DNAAF11: variants seen among roughly 807,000 people sequenced by gnomAD.
The protein encoded by DNAAF11 is leucine rich repeat containing 6.
A neutral mutation model predicts 60.8 loss-of-function variants in DNAAF11; 45 were observed. That is an observed-to-expected ratio of 0.74 (90% CI 0.58 to 0.95). The LOEUF (loss-of-function observed/expected upper bound fraction) is 0.95, where lower values mean the gene tolerates loss of function less well. Ranked by LOEUF, DNAAF11 falls within the 40% of genes least tolerant of loss-of-function variation. The pLI is 0.00. For synonymous variants in DNAAF11, 191 were observed against 183.5 expected (o/e 1.04, Z -0.33); for missense variants, 546 against 546.2 (o/e 1.00, Z 0.00).
intron 1 of DNAAF11, among the ~76,000 whole-genome samples, chr8:132,661,921 G>A (rs937402341): frequency 6.6e-6 from 1 of 152,102 alleles, no homozygotes; most frequent in Non-Finnish European, 1.5e-5. Context: ...GAGAGTTAAT[G>A]GCTATAAAAA....
chr8:132,588,731 A>C (rs1816161450), intron 10 of DNAAF11, among the ~76,000 whole-genome samples: 1 of 152,202 alleles, frequency 6.6e-6, no homozygotes, highest in Non-Finnish European at 1.5e-5. Context: ...TGGGTAATTT[A>C]TAAATAAAAG....
At chr8:132,590,317 A>G (rs1437532205) in intron 10 of DNAAF11, among the ~76,000 whole-genome samples, 1 of 152,218 alleles carries the variant, frequency 6.6e-6, no homozygotes, top group Admixed American at 6.5e-5. Context: ...GCCCTGCCCA[A>G]GAGGGTTACT....
At chr8:132,633,251 T>C (rs1364145175) in intron 4 of DNAAF11, among the ~76,000 whole-genome samples, 5 of 152,264 alleles carry the variant, frequency 3.3e-5, no homozygotes. Flanking sequence ...TTGCTCACTA[T>C]GTCAAAAATG....
At chr8:132,629,358 T>C (rs79120324) in intron 5 of DNAAF11, among the ~76,000 whole-genome samples, 180 of 151,668 alleles carry the variant, frequency 1.2e-3, no homozygotes, top group Non-Finnish European at 1.5e-3. Flanking sequence ...TTTTTCTTTT[T>C]TTTTTTTAAG....
Position 132,572,318 on chromosome 8 carries a change from A to T in DNAAF11, c.1389T>A (p.Pro463=). ...DPTFEDNPEV[P]PLI ...GCAGCCAGATGTTTCAAATCAGCGG[A>T]GGCACTTCAGGGTTGTCTTCAAAGG... Residue 463 remains proline (P), a synonymous_variant, in exon 12 of 12, where the codon CCT becomes CCA. Coordinates refer to ENST00000620350, the MANE Select transcript of DNAAF11 (RefSeq NM_012472.6). The T allele has an allele frequency of 6.2e-7, 1 of 1,612,246 alleles. No homozygotes were observed. Among genetic ancestry groups the T allele is most frequent in the South Asian group, 1.1e-5 (1 of 90,682 alleles).
At chr8:132,690,795 G>T in the DNAAF11 span, among the ~76,000 whole-genome samples, 1 of 152,116 alleles carries the variant, frequency 6.6e-6, no homozygotes, top group Non-Finnish European at 1.5e-5. Context: ...TTTGTAGAAT[G>T]TCCTTCAGTT....
intron 5 of DNAAF11, among the ~76,000 whole-genome samples, chr8:132,626,064 T>G (rs556661178): frequency 9.2e-5 from 14 of 152,074 alleles, no homozygotes; most frequent in Non-Finnish European, 1.9e-4. Flanking sequence ...TTTCTTTTTT[T>G]TTTGAGACGG....
At chr8:132,674,136 A>AAG (rs1825495217) in intron 1 of DNAAF11, among the ~76,000 whole-genome samples, 1 of 36,120 alleles carries the variant, frequency 2.8e-5, no homozygotes, top group African/African-American at 1.3e-4. Flanking sequence ...GGAGGAGGAG[A>AAG]AGGAGGAGGA....
At chr8:132,664,970 T>TAC (rs1422647552) in intron 1 of DNAAF11, among the ~76,000 whole-genome samples, 9 of 151,774 alleles carry the variant, frequency 5.9e-5, no homozygotes, top group Admixed American at 3.3e-4. Context: ...ATAACTAAAT[T>TAC]ACACACACAC....
chr8:132,632,948 C>A lies in DNAAF11; in HGVS notation c.445G>T (p.Glu149Ter), dbSNP rs779571778. The A allele has an allele frequency of 6.2e-7, 1 of 1,611,580 alleles. No individual in the cohort carries two copies. The highest frequency in any genetic ancestry group is 8.5e-7 in the Non-Finnish European group (1 of 1,178,210). ...TTAATCCTTTCTGAAGGCTCTATTT[C>A]TTTACCATCCAACCACTTAAAGAAA... ...LPQLKWLDGK[E>*]IEPSERIKAL... The change falls in exon 5 of 12, where the codon GAA becomes TAA. Residue 149 changes from glutamate (E) to a stop codon, truncating the protein, a stop_gained. Transcript: ENST00000620350. LOFTEE classifies it high-confidence loss of function.
chr8:132,603,336 C>T (rs1347369700), intron 10 of DNAAF11, among the ~76,000 whole-genome samples: 2 of 152,078 alleles, frequency 1.3e-5, no homozygotes, highest in Non-Finnish European at 2.9e-5. Flanking sequence ...TTATTGCACA[C>T]ACCAACTTGC....
chr8:132,669,501 AATTAT>A (rs1343944860), intron 1 of DNAAF11, among the ~76,000 whole-genome samples: 9 of 152,342 alleles, frequency 5.9e-5, no homozygotes, highest in Non-Finnish European at 1.0e-4. Context: ...CTTAAAGGAC[AATTAT>A]ATTGTATTGT....
At chr8:132,659,748 C>T (rs903166807) in intron 2 of DNAAF11, among the ~76,000 whole-genome samples, 7 of 152,194 alleles carry the variant, frequency 4.6e-5, no homozygotes, top group Middle Eastern at 3.4e-3. Flanking sequence ...CAATTATCCA[C>T]GAAACTAGAA....
At chr8:132,617,523 T>C (rs1819295871) in intron 7 of DNAAF11, among the ~76,000 whole-genome samples, 1 of 152,216 alleles carries the variant, frequency 6.6e-6, no homozygotes, top group African/African-American at 2.4e-5. Flanking sequence ...AAGTTGCTTA[T>C]CAGCTTAAGG....
At chr8:132,616,197 T>C (rs186965961) in intron 7 of DNAAF11, among the ~76,000 whole-genome samples, 16 of 152,254 alleles carry the variant, frequency 1.1e-4, no homozygotes, top group East Asian at 7.7e-4. Flanking sequence ...CATGGCTATG[T>C]ACAATAAAGG....
chr8:132,702,446 TAA>T, the DNAAF11 span, among the ~76,000 whole-genome samples: 532 of 152,322 alleles, frequency 3.5e-3, 7 homozygotes, highest in East Asian at 0.038. Context: ...TCAGCTAGAT[TAA>T]CACGGCCGCA....
At chr8:132,659,617 T>G (rs982450703) in intron 2 of DNAAF11, among the ~76,000 whole-genome samples, 1 of 152,196 alleles carries the variant, frequency 6.6e-6, no homozygotes, top group African/African-American at 2.4e-5. Context: ...GTGCCAGAGT[T>G]TCTAATTTCT....
At chr8:132,590,751 C>T (rs1208286915) in intron 10 of DNAAF11, among the ~76,000 whole-genome samples, 1 of 152,202 alleles carries the variant, frequency 6.6e-6, no homozygotes, top group Non-Finnish European at 1.5e-5. Flanking sequence ...CTAGCTGATA[C>T]TGCAGCTTCT....
upstream of DNAAF11, among the ~76,000 whole-genome samples, chr8:132,678,526 T>G (rs1319580650): frequency 6.6e-6 from 1 of 152,130 alleles, no homozygotes; most frequent in Non-Finnish European, 1.5e-5. Flanking sequence ...ACTATGTGTG[T>G]GCACCATCAT....
Sources: gnomAD v4.1 joint callset for allele counts (sites outside exome capture counted in the v4.1 genomes callset) on GRCh38, gnomAD v4.1.1 for gene constraint, MANE v1.5 for transcripts, NCBI Gene and HGNC (gene_info 2026-07-23, HGNC 2026-07-21) for gene names.